The following TCF4 variants were observed in gnomAD, a reference collection of about 807,000 sequenced individuals.
TCF4 encodes transcription factor 4, also known as SL3-3 enhancer factor 2.
In TCF4, 3 loss-of-function variants were observed where a neutral mutation model predicts 82.1. The observed-to-expected ratio is 0.04, with a 90% CI of 0.02 to 0.09. TCF4 has a LOEUF of 0.09. TCF4 is among the 10% of genes least tolerant of loss of function. The pLI is 1.00. For missense variants in TCF4, 518 were observed against 852.7 expected (o/e 0.61, Z 4.89); for synonymous variants, 276 against 309.6 (o/e 0.89, Z 1.14).
intron 3 of TCF4, chr18:55,551,597 G>A (rs767926691): frequency 7.1e-4 from 108 of 152,568 alleles, no homozygotes; most frequent in Non-Finnish European, 1.1e-3. Flanking sequence ...CCATCTCCAC[G>A]AGAAACTTCC....
chr18:55,534,073 T>TA (rs2097094094), intron 3 of TCF4, among the ~76,000 whole-genome samples: 2 of 152,226 alleles, frequency 1.3e-5, no homozygotes, highest in African/African-American at 4.8e-5. Context: ...TTATGTTTCA[T>TA]ATGCAGCTTC....
At chr18:55,328,358 C>A (rs562954060) in intron 8 of TCF4, among the ~76,000 whole-genome samples, 2 of 151,656 alleles carry the variant, frequency 1.3e-5, no homozygotes, top group Non-Finnish European at 2.9e-5. Context: ...AATCTTTTTC[C>A]CTTGGGATAA....
intron 2 of TCF4, among the ~76,000 whole-genome samples, chr18:55,607,863 C>A (rs1045422720): frequency 6.6e-6 from 1 of 152,072 alleles, no homozygotes. Flanking sequence ...TGTAGAATGC[C>A]ACACTCAAAG....
chr18:55,593,981 C>T (rs1244124982), intron 2 of TCF4, among the ~76,000 whole-genome samples: 1 of 152,166 alleles, frequency 6.6e-6, no homozygotes, highest in Non-Finnish European at 1.5e-5. Flanking sequence ...ATGGGTATAA[C>T]TAACCAGCTA....
intron 3 of TCF4, among the ~76,000 whole-genome samples, chr18:55,502,377 T>C (rs1051272255): frequency 2.0e-5 from 3 of 152,262 alleles, no homozygotes; most frequent in Non-Finnish European, 2.9e-5. Context: ...GAGGTCCTTT[T>C]GGTCATCTCA....
At chr18:55,273,668 A>G (rs2060861651) in intron 10 of TCF4, among the ~76,000 whole-genome samples, 1 of 152,178 alleles carries the variant, frequency 6.6e-6, no homozygotes, top group Non-Finnish European at 1.5e-5. Context: ...CTACTCTCTG[A>G]AATCTGTTAA....
chr18:55,276,694 T>C (rs954486538), intron 9 of TCF4, among the ~76,000 whole-genome samples: 5 of 152,204 alleles, frequency 3.3e-5, no homozygotes, highest in African/African-American at 4.8e-5. Context: ...TAACAAAAAG[T>C]ATTGAGTACT....
At chr18:55,437,975 C>T (rs1471790882) in intron 5 of TCF4, among the ~76,000 whole-genome samples, 4 of 152,048 alleles carry the variant, frequency 2.6e-5, no homozygotes, top group Admixed American at 2.0e-4. Flanking sequence ...CCAAGGTGGG[C>T]GGATCACTTG....
chr18:55,629,736 C>A (rs552457479), intron 2 of TCF4, among the ~76,000 whole-genome samples: 25 of 152,130 alleles, frequency 1.6e-4, no homozygotes, highest in Admixed American at 2.6e-4. Context: ...AACAAAGGCA[C>A]AGGAGTGAAA....
chr18:55,269,909 T>G lies in TCF4; in HGVS notation c.844A>C (p.Thr282Pro). 1 of 1,613,328 alleles carries G rather than the reference T, an allele frequency of 6.2e-7. No individual in the cohort carries two copies. The highest frequency in any genetic ancestry group is 8.5e-7 in the Non-Finnish European group (1 of 1,179,504). ...TGGTTTGTACCACTACGATGGAAAGTGGACATCGGAGGAAGACTGGAATTG... is the reference window on the plus strand; with the variant it reads ...TGGTTTGTACCACTACGATGGAAAGGGGACATCGGAGGAAGACTGGAATTG... ...DINSSLPPMS[T>P]FHRSGTNHYS... The change falls in exon 11 of 20, where the codon ACT becomes CCT. Residue 282 changes from threonine to proline, a missense_variant. By Grantham distance (38) the Thr-to-Pro change is conservative (BLOSUM62 -1). Around this residue, in one of 7 missense-constraint regions of TCF4, gnomAD observed 211 missense variants for 327.4 expected, o/e 0.64. Coordinates refer to ENST00000354452, the MANE Select transcript of TCF4 (RefSeq NM_001083962.2).
chr18:55,321,440 G>C (rs2075459360), intron 8 of TCF4: 3 of 652,156 alleles, frequency 4.6e-6, no homozygotes, highest in African/African-American at 3.6e-5. Flanking sequence ...CTAAAGCTCT[G>C]AAAGCATCTA....
intron 8 of TCF4, chr18:55,321,361 T>TA: frequency 8.9e-5 from 34 of 382,626 alleles, no homozygotes; most frequent in East Asian, 2.3e-4. Context: ...CCAAAACTCT[T>TA]TAAAAAAAAA....
At chr18:55,523,952 T>G (rs779650522) in intron 3 of TCF4, among the ~76,000 whole-genome samples, 1 of 152,156 alleles carries the variant, frequency 6.6e-6, no homozygotes, top group Middle Eastern at 3.2e-3. Flanking sequence ...AAAAGTCAAT[T>G]ATTTTCATGA....
At chr18:55,359,184 A>G (rs922831851) in intron 6 of TCF4, among the ~76,000 whole-genome samples, 2 of 152,094 alleles carry the variant, frequency 1.3e-5, no homozygotes, top group African/African-American at 2.4e-5. Context: ...TCCTCCCAAT[A>G]TCTCCACCTC....
chr18:55,249,438 G>A (rs933844576), intron 15 of TCF4, among the ~76,000 whole-genome samples: 1 of 152,200 alleles, frequency 6.6e-6, no homozygotes, highest in Non-Finnish European at 1.5e-5. Flanking sequence ...CTGAAGGGAT[G>A]CTGTGGAGGA....
intron 5 of TCF4, among the ~76,000 whole-genome samples, chr18:55,444,780 T>C (rs1568045808): frequency 1.3e-5 from 2 of 152,174 alleles, no homozygotes; most frequent in Non-Finnish European, 2.9e-5. Flanking sequence ...CCCACAGACA[T>C]GTCAAAAATT....
At chr18:55,345,226 T>C (rs1242078145) in intron 8 of TCF4, among the ~76,000 whole-genome samples, 4 of 151,488 alleles carry the variant, frequency 2.6e-5, no homozygotes, top group African/African-American at 9.7e-5. Context: ...TTTTCATATA[T>C]CAGCAATTCA....
rs748458759 is a variant in TCF4 at position 55,463,984 on chromosome 18, G to C, written c.207+92C>G. 922 of 1,084,016 alleles carry C rather than the reference G, an allele frequency of 8.5e-4. 3 individuals are homozygous for C. Among genetic ancestry groups the C allele is most frequent in the African/African-American group, 7.7e-3 (499 of 64,444 alleles). The allele number at this position is 1,084,016 out of a possible 1,614,324, so 67.1% of individuals were successfully genotyped here. On this transcript the variant is annotated intron_variant, in intron 4 of 19. Coordinates refer to ENST00000354452, the MANE Select transcript of TCF4 (RefSeq NM_001083962.2). ...TGTGTGTGTGTGTGTGTGTGAGAGAGAGAGAGAGAGAGAGAGAGAAACACA... is the reference window on the plus strand; with the variant it reads ...TGTGTGTGTGTGTGTGTGTGAGAGACAGAGAGAGAGAGAGAGAGAAACACA...
intron 3 of TCF4, among the ~76,000 whole-genome samples, chr18:55,514,152 G>C (rs1165634086): frequency 6.6e-6 from 1 of 152,036 alleles, no homozygotes; most frequent in Non-Finnish European, 1.5e-5. Context: ...TCTCTTCTCA[G>C]ATTTCTACTG....
Sources: allele counts gnomAD v4.1 joint callset (sites outside exome capture counted in the v4.1 genomes callset), GRCh38; gene constraint gnomAD v4.1.1; regional missense constraint gnomAD v4.1.1; transcripts MANE v1.5; gene names NCBI Gene and HGNC (gene_info 2026-07-23, HGNC 2026-07-21).